MSRB2: variants seen among roughly 807,000 people sequenced by gnomAD.
The protein encoded by MSRB2 is methionine sulfoxide reductase B2, also known as methionine-R-sulfoxide reductase B2, mitochondrial.
Under a neutral mutation model 19.0 loss-of-function variants are expected in MSRB2, and 17 were observed. The ratio of observed to expected loss-of-function variants is 0.89; its 90% confidence interval spans 0.61 to 1.34. The LOEUF (loss-of-function observed/expected upper bound fraction) is 1.34, where lower values mean the gene tolerates loss of function less well. Among genes scored for constraint, MSRB2 ranks in the 40% most tolerant of loss-of-function variants. The pLI, the probability that MSRB2 is intolerant of heterozygous loss-of-function variation, is 0.00. For synonymous variants in MSRB2, 107 were observed against 99.7 expected, an observed-to-expected ratio of 1.07 and a Z score of -0.44; for missense variants, 208 against 237.6, an observed-to-expected ratio of 0.88 and a Z score of 0.82.
intron 2 of MSRB2, among the ~76,000 whole-genome samples, chr10:23,108,205 G>A (rs1454442684): frequency 6.6e-6 from 1 of 151,974 alleles, no homozygotes; most frequent in African/African-American, 2.4e-5. Context: ...TGATCCACCC[G>A]CCTTGGCCTC....
chr10:23,102,130 T>C (rs1839931924), intron 1 of MSRB2, among the ~76,000 whole-genome samples: 1 of 152,100 alleles, frequency 6.6e-6, no homozygotes. Context: ...CTTCCCCATC[T>C]CTCTCCCCAA....
intron 3 of MSRB2, among the ~76,000 whole-genome samples, chr10:23,113,512 C>T (rs1045613372): frequency 1.1e-4 from 17 of 152,024 alleles, no homozygotes; most frequent in Non-Finnish European, 2.2e-4. Flanking sequence ...GATTAGCTTT[C>T]GAGTCCCTTG....
chr10:23,113,977 C>T (rs902948677), intron 3 of MSRB2, among the ~76,000 whole-genome samples: 5 of 152,126 alleles, frequency 3.3e-5, no homozygotes, highest in Admixed American at 6.5e-5. Flanking sequence ...TTAGATGCTC[C>T]ATAAGTACGT....
chr10:23,104,237 C>A lies in MSRB2; in HGVS notation c.212C>A (p.Thr71Lys). Residue 71 changes from threonine (T) to lysine (K), a missense_variant, in exon 2 of 5, where the codon ACG (threonine) becomes AAG (lysine). Coordinates refer to ENST00000376510, the MANE Select transcript of MSRB2 (RefSeq NM_012228.4). ...EQFYVTREKG[T>K]EPPFSGIYLN... ...TTCTACGTCACAAGAGAAAAGGGAA[C>A]GGAACCGGTAAGCTAAGCTGGTTTA... The A allele has an allele frequency of 6.2e-7, 1 of 1,612,494 alleles. No homozygotes were observed. Among genetic ancestry groups the A allele is most frequent in the Non-Finnish European group, 8.5e-7 (1 of 1,179,336 alleles).
chr10:23,116,235 T>C (rs966139358), intron 3 of MSRB2, among the ~76,000 whole-genome samples: 5 of 152,102 alleles, frequency 3.3e-5, no homozygotes, highest in African/African-American at 1.2e-4. Flanking sequence ...ATCTATAAAT[T>C]TAGAAAAGGA....
At chr10:23,099,725 G>A (rs145020018) in intron 1 of MSRB2, among the ~76,000 whole-genome samples, 1 of 152,236 alleles carries the variant, frequency 6.6e-6, no homozygotes, top group Non-Finnish European at 1.5e-5. Flanking sequence ...GTGAGACTCG[G>A]TCTCTTAAAA....
chr10:23,120,146 C>T (rs1337410315), intron 4 of MSRB2, among the ~76,000 whole-genome samples: 1 of 152,190 alleles, frequency 6.6e-6, no homozygotes, highest in African/African-American at 2.4e-5. Context: ...CTGGCACCTC[C>T]ATCTCTCCAC....
At chr10:23,117,281 A>C (rs1269482223) in intron 3 of MSRB2, among the ~76,000 whole-genome samples, 1 of 152,188 alleles carries the variant, frequency 6.6e-6, no homozygotes, top group Non-Finnish European at 1.5e-5. Flanking sequence ...TGAGGACCCC[A>C]GAGATTCCTG....
At chr10:23,097,906 GA>G (rs927710945) in intron 1 of MSRB2, among the ~76,000 whole-genome samples, 7 of 152,132 alleles carry the variant, frequency 4.6e-5, no homozygotes, top group African/African-American at 1.7e-4. Flanking sequence ...GAGACATTGG[GA>G]GGGGGGAAAT....
chr10:23,104,820 C>A (rs544061947), intron 2 of MSRB2, among the ~76,000 whole-genome samples: 2 of 152,186 alleles, frequency 1.3e-5, no homozygotes, highest in South Asian at 2.1e-4. Context: ...GCCTTTGCAC[C>A]CAGCTTTCCT....
rs942106363 is a variant in MSRB2 at position 23,120,877 on chromosome 10, C to A, written c.*15C>A. 2.5e-6 allele frequency: 4 copies of A among 1,598,398 alleles called. No homozygotes were observed. The African/African-American group carries it at 5.4e-5, about 21-fold the overall frequency. ...GGAAACACTGACCATCTTCAAGAGTCCCGTTCCCTTGCCACCCCTTCACGT... is the reference window on the plus strand; with the variant it reads ...GGAAACACTGACCATCTTCAAGAGTACCGTTCCCTTGCCACCCCTTCACGT... On this transcript the variant is annotated 3_prime_UTR_variant, in exon 5 of 5. Coordinates refer to ENST00000376510, the MANE Select transcript of MSRB2 (RefSeq NM_012228.4).
chr10:23,108,593 A>C (rs1452362653), intron 2 of MSRB2, among the ~76,000 whole-genome samples: 2 of 150,436 alleles, frequency 1.3e-5, no homozygotes, highest in African/African-American at 4.9e-5. Flanking sequence ...CTTCTGCCTC[A>C]GCCTCCTGAA....
chr10:23,096,352 C>CTCTCTCTCTGTGTGTGTGTG (rs144653384), intron 1 of MSRB2, among the ~76,000 whole-genome samples: 1 of 142,750 alleles, frequency 7.0e-6, no homozygotes, highest in Non-Finnish European at 1.5e-5. Context: ...CTCTCTCTCT[C>CTCTCTCTCTGTGTGTGTGTG]TGTGTGTGTG....
chr10:23,120,512 G>T (rs1840169689), intron 4 of MSRB2, among the ~76,000 whole-genome samples: 1 of 152,152 alleles, frequency 6.6e-6, no homozygotes, highest in African/African-American at 2.4e-5. Flanking sequence ...CCCATTTTTA[G>T]ATGAGTAACT....
At chr10:23,113,652 G>T (rs1840078446) in intron 3 of MSRB2, among the ~76,000 whole-genome samples, 1 of 152,180 alleles carries the variant, frequency 6.6e-6, no homozygotes, top group South Asian at 2.1e-4. Flanking sequence ...TAGGGTGGCT[G>T]CAGGTATAAT....
intron 3 of MSRB2, among the ~76,000 whole-genome samples, chr10:23,111,760 A>G (rs1840056778): frequency 6.6e-6 from 1 of 152,226 alleles, no homozygotes; most frequent in South Asian, 2.1e-4. Context: ...AGGTGTGGCT[A>G]GCATGGCTGA....
chr10:23,100,338 TTC>T (rs983879851), intron 1 of MSRB2, among the ~76,000 whole-genome samples: 5 of 152,170 alleles, frequency 3.3e-5, no homozygotes, highest in South Asian at 2.1e-4. Flanking sequence ...GGCTAAAGCA[TTC>T]TCTTTTTAAA....
chr10:23,109,023 G>A (rs145735378), intron 2 of MSRB2, among the ~76,000 whole-genome samples: 1 of 152,294 alleles, frequency 6.6e-6, no homozygotes, highest in African/African-American at 2.4e-5. Flanking sequence ...TTTAAACTGT[G>A]AATTTTTTGA....
At chr10:23,102,610 A>C (rs1030690061) in intron 1 of MSRB2, among the ~76,000 whole-genome samples, 7 of 152,160 alleles carry the variant, frequency 4.6e-5, no homozygotes, top group Admixed American at 4.6e-4. Context: ...CACTTGTCCC[A>C]CTGTTGGTGA....
Sources: allele counts gnomAD v4.1 joint callset (sites outside exome capture counted in the v4.1 genomes callset), GRCh38; gene constraint gnomAD v4.1.1; transcripts MANE v1.5; gene names NCBI Gene and HGNC (gene_info 2026-07-23, HGNC 2026-07-21).